The following SLC2A13 variants were observed in gnomAD, a reference collection of about 807,000 sequenced individuals.
SLC2A13 encodes the protein solute carrier family 2 member 13.
In SLC2A13, 32 loss-of-function variants were observed where a neutral mutation model predicts 64.4. The ratio of observed to expected loss-of-function variants is 0.50; its 90% confidence interval spans 0.37 to 0.67. The LOEUF (loss-of-function observed/expected upper bound fraction) is 0.67, where lower values mean the gene tolerates loss of function less well. Ranked by LOEUF, SLC2A13 falls within the 30% of genes least tolerant of loss-of-function variation. The probability of loss-of-function intolerance (pLI) is 0.00; values close to 1 mark genes in which losing one functional copy is unlikely to be tolerated. For synonymous variants in SLC2A13, 338 were observed against 327.1 expected, an observed-to-expected ratio of 1.03 and a Z score of -0.36; for missense variants, 743 against 829.2, an observed-to-expected ratio of 0.90 and a Z score of 1.28.
chr12:40,089,280 A>G (rs142483324), intron 1 of SLC2A13, among the ~76,000 whole-genome samples: 1 of 152,328 alleles, frequency 6.6e-6, no homozygotes, highest in African/African-American at 2.4e-5. Flanking sequence ...TGAATTTGAT[A>G]ATGTAAAAGT....
intron 2 of SLC2A13, among the ~76,000 whole-genome samples, chr12:40,031,302 AACCTCCG>A (rs1947900576): frequency 6.7e-6 from 1 of 149,780 alleles, no homozygotes; most frequent in African/African-American, 2.5e-5. Context: ...GGCTCACTGC[AACCTCCG>A]CCTCCCGGGT....
chr12:39,770,176 A>G (rs1940510725), intron 7 of SLC2A13, among the ~76,000 whole-genome samples: 1 of 151,932 alleles, frequency 6.6e-6, no homozygotes. Context: ...CTCTCTCATA[A>G]TCATCTCATC....
At chr12:39,923,038 C>A (rs1300152351) in intron 4 of SLC2A13, among the ~76,000 whole-genome samples, 1 of 151,776 alleles carries the variant, frequency 6.6e-6, no homozygotes, top group African/African-American at 2.4e-5. Context: ...CTAATAATTG[C>A]AGAATTATTT....
chr12:39,986,275 A>G (rs1947029595), intron 3 of SLC2A13, among the ~76,000 whole-genome samples: 1 of 152,136 alleles, frequency 6.6e-6, no homozygotes, highest in Non-Finnish European at 1.5e-5. Context: ...GAGTAGGGAC[A>G]CAAACATTTG....
chr12:39,885,427 T>C (rs1944443922), intron 4 of SLC2A13, among the ~76,000 whole-genome samples: 1 of 152,154 alleles, frequency 6.6e-6, no homozygotes, highest in African/African-American at 2.4e-5. Flanking sequence ...AGAATCTCTG[T>C]ACCAAATATT....
intron 4 of SLC2A13, among the ~76,000 whole-genome samples, chr12:39,908,663 A>G (rs1945353971): frequency 6.6e-6 from 1 of 151,956 alleles, no homozygotes; most frequent in African/African-American, 2.4e-5. Flanking sequence ...ATGCAAAAGT[A>G]CCAGGATCCT....
At chr12:39,987,689 C>T (rs977671113) in intron 3 of SLC2A13, among the ~76,000 whole-genome samples, 2 of 151,922 alleles carry the variant, frequency 1.3e-5, no homozygotes, top group Non-Finnish European at 2.9e-5. Flanking sequence ...TATTTTTTTT[C>T]ACTTTTTGAT....
In SLC2A13 at chr12:39,755,520, C is replaced by T. The variant is rs1056343117; in HGVS notation, c.*4506G>A. ...AAAAGCTGCTAGGAGACAGTTTGGA[C>T]GTGTAGAATATAAATTTCTACTTTG... On this transcript the variant is annotated 3_prime_UTR_variant, in exon 10 of 10. Transcript: ENST00000280871. The T allele has an allele frequency of 2.9e-4, 44 of 152,036 alleles. No homozygotes were observed. Among genetic ancestry groups the T allele is most frequent in the African/African-American group, 9.7e-4 (40 of 41,418 alleles). 9.4% of individuals were successfully genotyped at this position (152,036 alleles called of 1,614,324 possible).
intron 1 of SLC2A13, among the ~76,000 whole-genome samples, chr12:40,098,934 C>T (rs965185316): frequency 2.6e-5 from 4 of 152,252 alleles, no homozygotes; most frequent in South Asian, 2.1e-4. Flanking sequence ...GGCAGGGTGG[C>T]GCTAAAATCA....
At position 40,105,882 on chromosome 12, in the gene SLC2A13, A is replaced by C; in HGVS notation, c.-74T>G. ...CAGTCTCGGCGAGCTAGACAGCCCG[A>C]GCCGGCGGGAGCAACCGCCGCTGCC... On this transcript the variant is annotated 5_prime_UTR_variant, in exon 1 of 10. Coordinates refer to ENST00000280871, the MANE Select transcript of SLC2A13 (RefSeq NM_052885.4). The surrounding 1 kb of genome is among the most constrained non-coding windows in gnomAD (Gnocchi z 4.2). 7.9e-7 allele frequency: 1 copy of C among 1,266,408 alleles called. No individual in the cohort carries two copies. The allele number at this position is 1,266,408 out of a possible 1,614,324, so 78.4% of individuals were successfully genotyped here.
At chr12:39,854,705 C>G (rs1460827441) in intron 6 of SLC2A13, among the ~76,000 whole-genome samples, 1 of 152,162 alleles carries the variant, frequency 6.6e-6, no homozygotes, top group African/African-American at 2.4e-5. Context: ...ACTGGCTTCC[C>G]TTCCTCACTC....
chr12:40,051,049 A>G (rs1163455700), intron 1 of SLC2A13, among the ~76,000 whole-genome samples: 1 of 152,142 alleles, frequency 6.6e-6, no homozygotes, highest in Non-Finnish European at 1.5e-5. Context: ...ATAGTAGGTG[A>G]CAGGATTATA....
chr12:39,917,452 C>G (rs1021790893), intron 4 of SLC2A13, among the ~76,000 whole-genome samples: 2 of 152,004 alleles, frequency 1.3e-5, no homozygotes, highest in East Asian at 1.9e-4. Context: ...AACATTGTTT[C>G]TGTGTGTGTC....
intron 6 of SLC2A13, among the ~76,000 whole-genome samples, chr12:39,833,386 G>A (rs893734563): frequency 6.6e-6 from 1 of 151,882 alleles, no homozygotes; most frequent in Non-Finnish European, 1.5e-5. Flanking sequence ...AAGAACAACT[G>A]CTCTGCTACC....
At chr12:40,022,973 A>G (rs1947746343) in intron 3 of SLC2A13, among the ~76,000 whole-genome samples, 2 of 152,234 alleles carry the variant, frequency 1.3e-5, no homozygotes, top group South Asian at 4.1e-4. Context: ...CATGCTATAA[A>G]TAGATTTATA....
At chr12:39,998,066 C>T (rs1947262102) in intron 3 of SLC2A13, among the ~76,000 whole-genome samples, 1 of 152,164 alleles carries the variant, frequency 6.6e-6, no homozygotes. Context: ...AAGATACTTG[C>T]ACACGCACAT....
intron 4 of SLC2A13, among the ~76,000 whole-genome samples, chr12:39,903,832 G>A (rs1431657149): frequency 6.6e-6 from 1 of 152,068 alleles, no homozygotes; most frequent in African/African-American, 2.4e-5. Context: ...AAACTAATGG[G>A]TAGGAAAAGA....
intron 4 of SLC2A13, among the ~76,000 whole-genome samples, chr12:39,925,945 C>A (rs1438327109): frequency 1.3e-5 from 2 of 152,024 alleles, no homozygotes; most frequent in Non-Finnish European, 2.9e-5. Flanking sequence ...TTTTAAATAG[C>A]CTTAACCCAA....
chr12:39,791,411 T>G (rs1452915429), intron 7 of SLC2A13, among the ~76,000 whole-genome samples: 1 of 41,512 alleles, frequency 2.4e-5, no homozygotes, highest in Admixed American at 2.9e-4. Flanking sequence ...GGGTATTCAA[T>G]TAGGAAAAGA....
Sources: allele counts gnomAD v4.1 joint callset (sites outside exome capture counted in the v4.1 genomes callset), GRCh38; gene constraint gnomAD v4.1.1; non-coding constraint Gnocchi (gnomAD v3.1); transcripts MANE v1.5; gene names NCBI Gene and HGNC (gene_info 2026-07-23, HGNC 2026-07-21).